YIF1B: variants seen among roughly 807,000 people sequenced by gnomAD.
YIF1B encodes the protein protein YIF1B.
YIF1B carries 24 observed loss-of-function variants against 34.6 expected under a neutral mutation model. That is an observed-to-expected ratio of 0.69 (90% CI 0.50 to 0.98). The LOEUF is 0.98. Ranked by LOEUF, YIF1B falls within the 50% of genes least tolerant of loss-of-function variation. The probability of loss-of-function intolerance (pLI) is 0.00; values close to 1 mark genes in which losing one functional copy is unlikely to be tolerated. For missense variants in YIF1B, 368 were observed against 429.4 expected, an observed-to-expected ratio of 0.86 and a Z score of 1.26; for synonymous variants, 186 against 184.8, an observed-to-expected ratio of 1.01 and a Z score of -0.05.
rs1222286073 is a variant in YIF1B, at chr19:38,309,385, C to A, written c.297+20G>T. On this transcript the variant is annotated intron_variant, in intron 2 of 7. Coordinates refer to ENST00000339413, the MANE Select transcript of YIF1B (RefSeq NM_001039672.3). ...GTGGCCCCGTGCATCCCCCCACTCCCACCAGCCCCGCCCACTCACGTTCTT... is the reference window on the plus strand; with the variant it reads ...GTGGCCCCGTGCATCCCCCCACTCCAACCAGCCCCGCCCACTCACGTTCTT... The A allele has an allele frequency of 1.2e-6, 2 of 1,612,538 alleles. No individual in the cohort carries two copies. Among genetic ancestry groups the A allele is most frequent in the Non-Finnish European group, 1.7e-6 (2 of 1,179,106 alleles).
At chr19:38,309,092 G>A (rs1969195560) in intron 3 of YIF1B, 35 bp from the exon 4 acceptor site, 3 of 1,555,218 alleles carry the variant, frequency 1.9e-6, no homozygotes, top group Non-Finnish European at 2.6e-6. Flanking sequence ...GACCCTCAGA[G>A]CCAGGCCCCT....
In YIF1B at chr19:38,304,578, G is replaced by T; in HGVS notation, c.*774C>A. ...GTCCTGCCTTAGGCCTCCAACTTCAGGGGGCTGGGTAAGGGGCGCCGCCTC... is the reference window on the plus strand; with the variant it reads ...GTCCTGCCTTAGGCCTCCAACTTCATGGGGCTGGGTAAGGGGCGCCGCCTC... On this transcript the variant is annotated 3_prime_UTR_variant, in exon 8 of 8. Transcript: ENST00000339413. 6.2e-7 allele frequency: 1 copy of T among 1,611,088 alleles called. No individual in the cohort carries two copies. The highest frequency in any genetic ancestry group is 8.5e-7 in the Non-Finnish European group (1 of 1,179,042).
At chr19:38,319,650 G>A (rs910839864), upstream of YIF1B, among the ~76,000 whole-genome samples, 1 of 152,210 alleles carries the variant, frequency 6.6e-6, no homozygotes, top group African/African-American at 2.4e-5. Context: ...AGGACGAGAA[G>A]GAAGGAATGA....
chr19:38,307,311 C>G (rs1969095238), intron 7 of YIF1B, 117 bp downstream of exon 7: 24 of 1,179,682 alleles, frequency 2.0e-5, no homozygotes, highest in Non-Finnish European at 2.8e-5. Flanking sequence ...CTCCAGGGCT[C>G]CTCAGTTCAG....
upstream of YIF1B, among the ~76,000 whole-genome samples, chr19:38,318,428 C>T (rs867039845): frequency 3.3e-5 from 5 of 152,024 alleles, no homozygotes; most frequent in African/African-American, 7.3e-5. Flanking sequence ...GGACTACAGA[C>T]GCATGCCACC....
chr19:38,306,352 C>T (rs948293547), intron 7 of YIF1B, among the ~76,000 whole-genome samples: 4 of 152,020 alleles, frequency 2.6e-5, no homozygotes, highest in Non-Finnish European at 5.9e-5. Flanking sequence ...GCTGGGACTA[C>T]AGGTGCACAC....
chr19:38,304,372 C>A lies in YIF1B; in HGVS notation c.*980G>T. 2 of 1,592,050 alleles carry A rather than the reference C, an allele frequency of 1.3e-6. No individual in the cohort carries two copies. Among genetic ancestry groups the A allele is most frequent in the Non-Finnish European group, 1.7e-6 (2 of 1,170,346 alleles). Reference sequence around the variant, plus strand: ...GCACCAACCACCCAACTTCTCTCCACAGCCCTGGAGCCCACCTCCCAGAAG... The same window carrying A: ...GCACCAACCACCCAACTTCTCTCCAAAGCCCTGGAGCCCACCTCCCAGAAG... On this transcript the variant is annotated 3_prime_UTR_variant, in exon 8 of 8. Coordinates refer to ENST00000339413, the MANE Select transcript of YIF1B (RefSeq NM_001039672.3).
At chr19:38,320,334 C>A, upstream of YIF1B, 1 of 1,566,784 alleles carries the variant, frequency 6.4e-7, no homozygotes, top group Non-Finnish European at 8.7e-7. Flanking sequence ...TCCTTAACCC[C>A]TGGGGACCCC....
At position 38,305,451 on chromosome 19, in the gene YIF1B, C is replaced by T; in HGVS notation, c.846G>A (p.Val282=). The T allele has an allele frequency of 1.2e-6, 2 of 1,609,758 alleles. No individual in the cohort carries two copies. The highest frequency in any genetic ancestry group is 1.1e-5 in the South Asian group (1 of 90,882). ...LADAAAEGVP[V]RGARNQLRMY... The stretch of plus-strand genomic sequence containing the variant: ...TGCGCAGCTGGTTCCGGGCCCCACG[C>T]ACCGGGACCCCCTCAGCTGCTGCGT... Residue 282 remains valine (V), a synonymous_variant, in exon 8 of 8, where the codon GTG becomes GTA. Coordinates refer to ENST00000339413, the MANE Select transcript of YIF1B (RefSeq NM_001039672.3).
At chr19:38,319,517 T>C (rs1045214454), upstream of YIF1B, among the ~76,000 whole-genome samples, 3 of 152,166 alleles carry the variant, frequency 2.0e-5, no homozygotes, top group Non-Finnish European at 4.4e-5. Context: ...CCTTGCTCCG[T>C]CAGCCGCGCG....
upstream of YIF1B, among the ~76,000 whole-genome samples, chr19:38,320,774 G>T (rs1969642919): frequency 6.6e-6 from 1 of 152,052 alleles, no homozygotes; most frequent in Non-Finnish European, 1.5e-5. Flanking sequence ...GGCCAGGCTG[G>T]TCCCAAACTC....
intron 1 of YIF1B, among the ~76,000 whole-genome samples, chr19:38,311,410 C>G (rs1969322408): frequency 6.6e-6 from 1 of 152,164 alleles, no homozygotes; most frequent in Non-Finnish European, 1.5e-5. Context: ...AGTGGCAGAG[C>G]AGGAGTCCAG....
upstream of YIF1B, chr19:38,320,337 G>C: frequency 6.5e-7 from 1 of 1,549,236 alleles, no homozygotes; most frequent in South Asian, 1.1e-5. Flanking sequence ...TTAACCCCTG[G>C]GGACCCCGGG....
chr19:38,305,019 G>C lies in YIF1B; in HGVS notation c.*333C>G, dbSNP rs1968940542. On this transcript the variant is annotated 3_prime_UTR_variant, in exon 8 of 8. Coordinates refer to ENST00000339413, the MANE Select transcript of YIF1B (RefSeq NM_001039672.3). The stretch of plus-strand genomic sequence containing the variant: ...CCTCTCTGCCTTCTGCGACTGGTCA[G>C]CGTGGTGCCTACTCTGGCCCGTCCC... The C allele has an allele frequency of 1.3e-6, 2 of 1,554,322 alleles. No individual in the cohort carries two copies. Among genetic ancestry groups the C allele is most frequent in the Non-Finnish European group, 1.7e-6 (2 of 1,148,902 alleles).
At chr19:38,320,588 T>C (rs1331136317), upstream of YIF1B, among the ~76,000 whole-genome samples, 1 of 151,778 alleles carries the variant, frequency 6.6e-6, no homozygotes, top group Non-Finnish European at 1.5e-5. Flanking sequence ...GAGACAGGGC[T>C]TACTCTGTCG....
chr19:38,309,983 T>TCCACCCAC (rs1447031132), intron 1 of YIF1B: 4 of 423,170 alleles, frequency 9.5e-6, no homozygotes, highest in East Asian at 6.0e-5. Flanking sequence ...CATTCATCCA[T>TCCACCCAC]CCATCCATCC....
chr19:38,320,137 G>C (rs752663143), upstream of YIF1B: 11 of 1,591,448 alleles, frequency 6.9e-6, no homozygotes, highest in Non-Finnish European at 9.4e-6. Context: ...GGACGCCTTC[G>C]TGGAGCGAGT....
intron 7 of YIF1B, 160 bp downstream of exon 7, chr19:38,307,268 G>T: frequency 1.4e-6 from 1 of 709,508 alleles, no homozygotes. Flanking sequence ...CCTCTTCCAG[G>T]AAGCCCTCCT....
upstream of YIF1B, chr19:38,316,056 C>T (rs577409166): frequency 3.0e-5 from 38 of 1,256,650 alleles, no homozygotes; most frequent in African/African-American, 1.6e-4. Flanking sequence ...CCCCTCCAGC[C>T]CCCCCCTTCA....
Sources: gnomAD v4.1 joint callset for allele counts (sites outside exome capture counted in the v4.1 genomes callset) on GRCh38, gnomAD v4.1.1 for gene constraint, MANE v1.5 for transcripts, NCBI Gene and HGNC (gene_info 2026-07-23, HGNC 2026-07-21) for gene names.